CACNB2: variants seen among roughly 807,000 people sequenced by gnomAD.
The protein encoded by CACNB2 is voltage-dependent L-type calcium channel subunit beta-2.
CACNB2 carries 42 observed loss-of-function variants against 73.3 expected under a neutral mutation model. The observed-to-expected ratio is 0.57, with a 90% CI of 0.45 to 0.74. CACNB2 has a LOEUF of 0.74. Ranked by LOEUF, CACNB2 falls within the 30% of genes least tolerant of loss-of-function variation. The probability of loss-of-function intolerance (pLI) is 0.00; values close to 1 mark genes in which losing one functional copy is unlikely to be tolerated. For missense variants in CACNB2, 940 were observed against 853.0 expected, an observed-to-expected ratio of 1.10 and a Z score of -1.27; for synonymous variants, 348 against 310.3, an observed-to-expected ratio of 1.12 and a Z score of -1.28.
chr10:18,390,085 A>G (rs1036052937), intron 2 of CACNB2, among the ~76,000 whole-genome samples: 5 of 152,224 alleles, frequency 3.3e-5, no homozygotes, highest in South Asian at 2.1e-4. Context: ...CTGTTCATTC[A>G]TGCCTGTAGA....
At position 18,462,759 on chromosome 10, in the gene CACNB2, T is replaced by G. The variant is rs144920581; in HGVS notation, c.334-35596T>G. On this transcript the variant is annotated intron_variant, in intron 3 of 13. Coordinates refer to ENST00000324631, the MANE Select transcript of CACNB2 (RefSeq NM_201596.3). ...TTTACTTACGTATTTTATTTTTTAT[T>G]TTTATTTATTTATTTTTGAGACAGA... Among the ~76,000 whole-genome samples, 61 of 151,916 alleles carry G rather than the reference T, an allele frequency of 4.0e-4. 1 individual carries two copies. The highest frequency in any genetic ancestry group is 1.4e-3 in the African/African-American group (60 of 41,456).
chr10:18,398,322 C>T (rs2043816315), intron 2 of CACNB2, among the ~76,000 whole-genome samples: 2 of 152,034 alleles, frequency 1.3e-5, no homozygotes, highest in Admixed American at 6.6e-5. Context: ...TTCAGGGGAT[C>T]GTTATTTGTG....
At chr10:18,158,209 T>G (rs1376670918) in intron 2 of CACNB2, among the ~76,000 whole-genome samples, 2 of 152,186 alleles carry the variant, frequency 1.3e-5, no homozygotes, top group Non-Finnish European at 2.9e-5. Context: ...TCACTCCTGT[T>G]GTGAATCTGG....
At chr10:18,199,296 G>A (rs892501045) in intron 2 of CACNB2, among the ~76,000 whole-genome samples, 41 of 152,156 alleles carry the variant, frequency 2.7e-4, no homozygotes, top group African/African-American at 8.7e-4. Flanking sequence ...ATTTCTAGTG[G>A]AGAGACATAC....
intron 2 of CACNB2, among the ~76,000 whole-genome samples, chr10:18,230,223 A>G (rs1025574154): frequency 1.3e-5 from 2 of 152,226 alleles, no homozygotes; most frequent in African/African-American, 4.8e-5. Context: ...TTGTTAGAAG[A>G]AAAAGTAATA....
At chr10:18,457,104 G>C (rs1017386468) in intron 3 of CACNB2, among the ~76,000 whole-genome samples, 2 of 151,908 alleles carry the variant, frequency 1.3e-5, no homozygotes, top group African/African-American at 4.8e-5. Flanking sequence ...GGGTGTGGGT[G>C]TATGTTTAGA....
chr10:18,461,121 G>A (rs1347725029), intron 3 of CACNB2, among the ~76,000 whole-genome samples: 2 of 151,998 alleles, frequency 1.3e-5, no homozygotes, highest in African/African-American at 4.8e-5. Flanking sequence ...TAGAGATGGG[G>A]TTTCTCCATG....
chr10:18,237,443 A>G (rs930164767), intron 2 of CACNB2, among the ~76,000 whole-genome samples: 13 of 152,172 alleles, frequency 8.5e-5, no homozygotes, highest in Non-Finnish European at 2.9e-5. Flanking sequence ...CTACAAGCCA[A>G]GGAATGTCAA....
At chr10:18,483,594 T>C (rs192909076) in intron 3 of CACNB2, among the ~76,000 whole-genome samples, 2 of 147,608 alleles carry the variant, frequency 1.4e-5, no homozygotes, top group Non-Finnish European at 3.0e-5. Context: ...AATGATGAAA[T>C]AAAATCGCTG....
At chr10:18,190,478 C>T (rs923876976) in intron 2 of CACNB2, among the ~76,000 whole-genome samples, 1 of 152,076 alleles carries the variant, frequency 6.6e-6, no homozygotes, top group Non-Finnish European at 1.5e-5. Flanking sequence ...AAGAGGCAAA[C>T]AATTGCTTCA....
rs1234078825 is a variant in CACNB2 at position 18,542,993 on chromosome 10, A to G, written c.*3269A>G. On this transcript the variant is annotated 3_prime_UTR_variant, in exon 14 of 14. Coordinates refer to ENST00000324631, the MANE Select transcript of CACNB2 (RefSeq NM_201596.3). ...GGTGCTGCTAAATGTAGGATGTCTTAGTCATGTTGTACTTTGGGACAATGC... is the reference window on the plus strand; with the variant it reads ...GGTGCTGCTAAATGTAGGATGTCTTGGTCATGTTGTACTTTGGGACAATGC... The G allele has an allele frequency of 1.3e-5, 2 of 148,568 alleles. No individual in the cohort carries two copies. The highest frequency in any genetic ancestry group is 5.0e-5 in the African/African-American group (2 of 40,272). The allele number at this position is 148,568 out of a possible 1,614,324, so 9.2% of individuals were successfully genotyped here. A position where few individuals can be genotyped will look rare whatever the true frequency, so the allele number is the denominator to read the frequency against.
chr10:18,467,304 G>A (rs1407995285), intron 3 of CACNB2, among the ~76,000 whole-genome samples: 1 of 152,074 alleles, frequency 6.6e-6, no homozygotes, highest in Admixed American at 6.6e-5. Flanking sequence ...TTACTAACTG[G>A]CATCAACACT....
chr10:18,263,371 G>T (rs1257821875), intron 2 of CACNB2, among the ~76,000 whole-genome samples: 1 of 152,176 alleles, frequency 6.6e-6, no homozygotes, highest in African/African-American at 2.4e-5. Flanking sequence ...CGTCATACTG[G>T]TTGGGCTGTC....
At chr10:18,470,701 G>A (rs868521206) in intron 3 of CACNB2, among the ~76,000 whole-genome samples, 1 of 152,008 alleles carries the variant, frequency 6.6e-6, no homozygotes, top group African/African-American at 2.4e-5. Flanking sequence ...CCTTTAAATT[G>A]ATTTTTCACA....
chr10:18,469,999 A>G (rs2048098611), intron 3 of CACNB2, among the ~76,000 whole-genome samples: 1 of 152,052 alleles, frequency 6.6e-6, no homozygotes, highest in Non-Finnish European at 1.5e-5. Flanking sequence ...TTATACTCAT[A>G]TTTTTTCTTT....
At chr10:18,497,508 C>G (rs371932473) in intron 3 of CACNB2, among the ~76,000 whole-genome samples, 17 of 152,022 alleles carry the variant, frequency 1.1e-4, no homozygotes, top group Non-Finnish European at 2.5e-4. Context: ...CAGCATAGAC[C>G]CCCTGGGCTT....
At chr10:18,211,608 G>A (rs573590130) in intron 2 of CACNB2, among the ~76,000 whole-genome samples, 3 of 152,200 alleles carry the variant, frequency 2.0e-5, no homozygotes, top group South Asian at 2.1e-4. Context: ...ATCTCTTTAA[G>A]CAATGTATAG....
At chr10:18,312,085 G>C (rs1445456107) in intron 2 of CACNB2, among the ~76,000 whole-genome samples, 1 of 152,044 alleles carries the variant, frequency 6.6e-6, no homozygotes, top group East Asian at 1.9e-4. Context: ...TTTTAAGCCT[G>C]TAAGTTGTCT....
intron 2 of CACNB2, among the ~76,000 whole-genome samples, chr10:18,153,084 A>C (rs2031740172): frequency 6.6e-6 from 1 of 152,206 alleles, no homozygotes; most frequent in South Asian, 2.1e-4. Flanking sequence ...TTGTGTTCTT[A>C]GTAATGTATG....
Sources: allele counts gnomAD v4.1 joint callset (sites outside exome capture counted in the v4.1 genomes callset), GRCh38; gene constraint gnomAD v4.1.1; transcripts MANE v1.5; gene names NCBI Gene and HGNC (gene_info 2026-07-23, HGNC 2026-07-21).